Variants in NRXN3 observed in about 807,000 individuals in gnomAD.
NRXN3 encodes the protein neurexin 3.
In NRXN3, 32 loss-of-function variants were observed where a neutral mutation model predicts 137.6. The observed-to-expected ratio is 0.23, with a 90% CI of 0.18 to 0.31. The LOEUF (loss-of-function observed/expected upper bound fraction) is 0.31, where lower values mean the gene tolerates loss of function less well. Ranked by LOEUF, NRXN3 falls within the 10% of genes least tolerant of loss-of-function variation. NRXN3 has a pLI of 1.00. For missense variants in NRXN3, 1,574 were observed against 2,062.5 expected (o/e 0.76, Z 4.59); for synonymous variants, 798 against 784.5 (o/e 1.02, Z -0.29).
At chr14:78,231,051 C>T (rs2065325717) in intron 1 of NRXN3, among the ~76,000 whole-genome samples, 1 of 152,108 alleles carries the variant, frequency 6.6e-6, no homozygotes. Flanking sequence ...CCTGTGAGGT[C>T]TTGGGATGCA....
At chr14:79,737,555 G>C (rs891065766) in intron 19 of NRXN3, among the ~76,000 whole-genome samples, 1 of 151,966 alleles carries the variant, frequency 6.6e-6, no homozygotes, top group Non-Finnish European at 1.5e-5. Flanking sequence ...TTTATATTAG[G>C]TATTTTATTT....
chr14:78,938,167 C>T (rs1351666416), intron 10 of NRXN3, among the ~76,000 whole-genome samples: 1 of 152,210 alleles, frequency 6.6e-6, no homozygotes, highest in Non-Finnish European at 1.5e-5. Flanking sequence ...ACCATATCCC[C>T]TTGATTAAAG....
intron 6 of NRXN3, among the ~76,000 whole-genome samples, chr14:78,681,142 T>A (rs1056896620): frequency 2.0e-5 from 3 of 152,194 alleles, no homozygotes; most frequent in African/African-American, 7.2e-5. Context: ...TGACACAGTC[T>A]TATGTGCTTG....
intron 15 of NRXN3, among the ~76,000 whole-genome samples, chr14:78,999,797 T>A (rs1274785658): frequency 6.6e-6 from 1 of 152,174 alleles, no homozygotes; most frequent in Non-Finnish European, 1.5e-5. Flanking sequence ...GAAAAGAGCC[T>A]CTTGGTCCCA....
chr14:79,268,184 A>G (rs2078730014), intron 15 of NRXN3, among the ~76,000 whole-genome samples: 1 of 152,104 alleles, frequency 6.6e-6, no homozygotes, highest in Non-Finnish European at 1.5e-5. Context: ...TAAATCACAG[A>G]TTTGTCATTT....
At chr14:79,492,052 A>G (rs985415876) in intron 16 of NRXN3, among the ~76,000 whole-genome samples, 2 of 152,164 alleles carry the variant, frequency 1.3e-5, no homozygotes, top group Non-Finnish European at 2.9e-5. Context: ...TAGTGCACAT[A>G]CTGAACTAGA....
At chr14:78,729,948 A>T (rs2098506756) in intron 8 of NRXN3, among the ~76,000 whole-genome samples, 1 of 152,212 alleles carries the variant, frequency 6.6e-6, no homozygotes, top group Non-Finnish European at 1.5e-5. Flanking sequence ...CTGGTTTATT[A>T]TCTGACAAAT....
chr14:79,580,686 C>A (rs1013696220), intron 16 of NRXN3, among the ~76,000 whole-genome samples: 1 of 152,090 alleles, frequency 6.6e-6, no homozygotes, highest in African/African-American at 2.4e-5. Flanking sequence ...TGCTAAGATT[C>A]TCCCTTGAAG....
intron 20 of NRXN3, chr14:79,853,789 T>C: frequency 1.0e-6 from 1 of 1,000,232 alleles, no homozygotes; most frequent in Middle Eastern, 5.0e-4. Flanking sequence ...TATATATATC[T>C]GAAAACTTAT....
chr14:78,708,971 A>G (rs1195102922), intron 6 of NRXN3, among the ~76,000 whole-genome samples: 1 of 152,192 alleles, frequency 6.6e-6, no homozygotes, highest in African/African-American at 2.4e-5. Flanking sequence ...CTTTCTGACA[A>G]CACAAGAAAT....
At chr14:78,456,464 T>A (rs2094703337) in intron 4 of NRXN3, among the ~76,000 whole-genome samples, 1 of 152,220 alleles carries the variant, frequency 6.6e-6, no homozygotes, top group African/African-American at 2.4e-5. Context: ...GGGAGGGACT[T>A]CTTGCAACAC....
chr14:78,999,344 AC>A (rs1343678894), intron 15 of NRXN3, among the ~76,000 whole-genome samples: 1 of 152,198 alleles, frequency 6.6e-6, no homozygotes, highest in African/African-American at 2.4e-5. Context: ...TAGGAAAAAA[AC>A]ATGCTTAATT....
intron 4 of NRXN3, among the ~76,000 whole-genome samples, chr14:78,427,968 T>A (rs1035461853): frequency 1.3e-5 from 2 of 152,204 alleles, no homozygotes; most frequent in Non-Finnish European, 2.9e-5. Context: ...CAAATGACTT[T>A]GGAGTCAGAA....
At chr14:79,149,218 CA>C (rs1172887967) in intron 15 of NRXN3, among the ~76,000 whole-genome samples, 2 of 152,044 alleles carry the variant, frequency 1.3e-5, no homozygotes, top group East Asian at 3.9e-4. Flanking sequence ...AGATCATTTC[CA>C]AAGTCCAAAG....
chr14:78,892,017 G>A (rs989203431), intron 10 of NRXN3, among the ~76,000 whole-genome samples: 2 of 151,902 alleles, frequency 1.3e-5, no homozygotes, highest in Non-Finnish European at 2.9e-5. Context: ...TCTTGTTCTG[G>A]TGGCAGCTCT....
At chr14:78,874,024 T>G (rs150577830) in intron 10 of NRXN3, among the ~76,000 whole-genome samples, 264 of 150,852 alleles carry the variant, frequency 1.8e-3, no homozygotes, top group Middle Eastern at 0.01. Context: ...CAGGCTGAAG[T>G]GCAGTGGCAC....
At chr14:78,536,645 A>G (rs909199239) in intron 4 of NRXN3, among the ~76,000 whole-genome samples, 6 of 151,904 alleles carry the variant, frequency 3.9e-5, no homozygotes, top group Non-Finnish European at 5.9e-5. Flanking sequence ...TCTAGGGTAC[A>G]TGTGCACAAC....
chr14:78,943,927 G>A (rs2152923638), intron 10 of NRXN3, among the ~76,000 whole-genome samples: 1 of 151,928 alleles, frequency 6.6e-6, no homozygotes, highest in Non-Finnish European at 1.5e-5. Flanking sequence ...GTTTGCAACA[G>A]CATGAGATAA....
chr14:78,535,770 A>G lies in NRXN3; in HGVS notation c.758-109350A>G, dbSNP rs548721000. On this transcript the variant is annotated intron_variant, in intron 4 of 20. Transcript: ENST00000335750. Reference sequence around the variant, plus strand: ...TTCAAACTCACCATTTTCCAAATCTATTAAAAAATGGATAATCATGCTTAA... The same window carrying G: ...TTCAAACTCACCATTTTCCAAATCTGTTAAAAAATGGATAATCATGCTTAA... Among the ~76,000 whole-genome samples, 11 of 152,328 alleles carry G rather than the reference A, an allele frequency of 7.2e-5. No homozygotes were observed. The South Asian group carries it at 1.7e-3, about 23-fold the overall frequency.
Sources: allele counts gnomAD v4.1 joint callset (sites outside exome capture counted in the v4.1 genomes callset), GRCh38; gene constraint gnomAD v4.1.1; transcripts MANE v1.5; gene names NCBI Gene and HGNC (gene_info 2026-07-23, HGNC 2026-07-21).